ZNF148: variants seen among roughly 807,000 people sequenced by gnomAD.
ZNF148 encodes the protein zinc finger protein 148, also known as Beta-Enolase Repressor Factor-1.
Under a neutral mutation model 67.7 loss-of-function variants are expected in ZNF148, and 7 were observed. That is an observed-to-expected ratio of 0.10 (90% CI 0.06 to 0.19). The LOEUF (loss-of-function observed/expected upper bound fraction) is 0.19, where lower values mean the gene tolerates loss of function less well. ZNF148 is among the 10% of genes least tolerant of loss of function. ZNF148 has a pLI of 1.00. For missense variants in ZNF148, 583 were observed against 947.1 expected (o/e 0.62, Z 5.05); for synonymous variants, 333 against 330.7 (o/e 1.01, Z -0.08).
chr3:125,371,081 G>A (rs1044577677), intron 1 of ZNF148, among the ~76,000 whole-genome samples: 3 of 151,976 alleles, frequency 2.0e-5, no homozygotes, highest in African/African-American at 4.8e-5. Context: ...GGCCGGGCAC[G>A]GTGGCTCACG....
chr3:125,287,901 T>C (rs1240386900), intron 5 of ZNF148, among the ~76,000 whole-genome samples: 1 of 152,142 alleles, frequency 6.6e-6, no homozygotes, highest in Non-Finnish European at 1.5e-5. Context: ...AGTTCACTTT[T>C]AGACAAGTCA....
chr3:125,370,454 C>T (rs1467974994), intron 1 of ZNF148, among the ~76,000 whole-genome samples: 1 of 152,222 alleles, frequency 6.6e-6, no homozygotes. Context: ...AATCAACCTG[C>T]TGTTAGTTTC....
At position 125,288,304 on chromosome 3, in the gene ZNF148, T is replaced by A. The variant is rs184340551; in HGVS notation, c.334-76A>T. The A allele has an allele frequency of 4.3e-5, 64 of 1,473,896 alleles. No individual in the cohort carries two copies. The East Asian group carries it at 1.5e-3, about 34-fold the overall frequency. The allele number at this position is 1,473,896 out of a possible 1,614,324, so 91.3% of individuals were successfully genotyped here. A position where few individuals can be genotyped will look rare whatever the true frequency, so the allele number is the denominator to read the frequency against. ...TGACAAAAGGCCATTTTATGTTTAA[T>A]CCTTTGCTAAACCCACATACAGGTG... On this transcript the variant is annotated intron_variant, in intron 4 of 8. Transcript: ENST00000360647.
At chr3:125,267,962 A>G (rs1413872631) in intron 7 of ZNF148, among the ~76,000 whole-genome samples, 1 of 152,072 alleles carries the variant, frequency 6.6e-6, no homozygotes, top group Non-Finnish European at 1.5e-5. Flanking sequence ...TCCCATTTAC[A>G]CTAGATGCAC....
chr3:125,356,067 A>G (rs996782554), intron 1 of ZNF148, among the ~76,000 whole-genome samples: 2 of 152,220 alleles, frequency 1.3e-5, no homozygotes, highest in Non-Finnish European at 2.9e-5. Flanking sequence ...GTTAAAAACC[A>G]TAAGCATCTG....
chr3:125,261,549 A>G (rs1937340878), intron 7 of ZNF148, among the ~76,000 whole-genome samples: 2 of 152,148 alleles, frequency 1.3e-5, no homozygotes. Flanking sequence ...TATGAGGAAA[A>G]TGAGGGATAG....
rs142265120 is a variant in ZNF148, at chr3:125,250,538, T to C, written c.668-16209A>G. Among the ~76,000 whole-genome samples, 819 of 152,334 alleles carry C rather than the reference T, an allele frequency of 5.4e-3. 6 individuals carry two copies. The highest frequency in any genetic ancestry group is 0.019 in the African/African-American group (773 of 41,572). On this transcript the variant is annotated intron_variant, in intron 7 of 8. Coordinates refer to ENST00000360647, the MANE Select transcript of ZNF148 (RefSeq NM_021964.3). ...CTGTAACTTACCTGTAAGAAACTCA[T>C]GATCAATATTTTCTATAGTTAAAAA...
intron 7 of ZNF148, among the ~76,000 whole-genome samples, chr3:125,261,446 AGTACTAT>A (rs1394488601): frequency 6.6e-6 from 1 of 152,214 alleles, no homozygotes; most frequent in East Asian, 1.9e-4. Context: ...AGCCAACGTA[AGTACTAT>A]GTATGAGAGG....
At chr3:125,266,205 C>T (rs1244426447) in intron 7 of ZNF148, among the ~76,000 whole-genome samples, 1 of 152,092 alleles carries the variant, frequency 6.6e-6, no homozygotes, top group African/African-American at 2.4e-5. Context: ...TGTCTAATTT[C>T]TCACTCGACC....
intron 1 of ZNF148, among the ~76,000 whole-genome samples, chr3:125,335,269 T>C (rs1004013279): frequency 6.6e-6 from 1 of 152,132 alleles, no homozygotes; most frequent in African/African-American, 2.4e-5. Context: ...ATTTTTTTAA[T>C]TATTAGTAAA....
At chr3:125,328,113 A>T (rs1186136997) in intron 2 of ZNF148, among the ~76,000 whole-genome samples, 1 of 151,954 alleles carries the variant, frequency 6.6e-6, no homozygotes, top group Non-Finnish European at 1.5e-5. Flanking sequence ...TTCTTCCTAA[A>T]GACACCTGGC....
chr3:125,315,474 C>T (rs554826969), intron 3 of ZNF148, among the ~76,000 whole-genome samples: 14 of 151,910 alleles, frequency 9.2e-5, no homozygotes, highest in South Asian at 6.2e-4. Context: ...TTTGGGAGGC[C>T]GAGGCGGGCA....
In ZNF148 at chr3:125,233,701, T is replaced by C. The variant is rs1466840795; in HGVS notation, c.1025A>G (p.Lys342Arg). 2 of 1,613,954 alleles carry C rather than the reference T, an allele frequency of 1.2e-6. No individual in the cohort carries two copies. The highest frequency in any genetic ancestry group is 1.7e-6 in the Non-Finnish European group (2 of 1,179,900). ...AGAATAAAGAGGCAAGTAATCATTTTTGTCTTTTTTCAGGTCAGATTTGTC... is the reference window on the plus strand; with the variant it reads ...AGAATAAAGAGGCAAGTAATCATTTCTGTCTTTTTTCAGGTCAGATTTGTC... ...ALDKSDLKKD[K>R]NDYLPLYSSS... The change falls in exon 9 of 9, where the codon AAA becomes AGA. Residue 342 changes from lysine (K) to arginine (R), a missense_variant. This residue lies in a region of ZNF148 where 78 missense variants were observed against 86.5 expected (regional missense o/e 0.90). Transcript: ENST00000360647. The surrounding 1 kb of genome is among the most constrained non-coding windows in gnomAD (Gnocchi z 5.1).
intron 5 of ZNF148, among the ~76,000 whole-genome samples, chr3:125,281,513 T>A (rs189135509): frequency 5.7e-4 from 87 of 152,320 alleles, no homozygotes; most frequent in Admixed American, 1.6e-3. Context: ...ACATGGCACT[T>A]CAATAGCTTT....
chr3:125,334,431 T>C (rs544619424), intron 1 of ZNF148, among the ~76,000 whole-genome samples: 17 of 152,246 alleles, frequency 1.1e-4, no homozygotes, highest in African/African-American at 1.4e-4. Flanking sequence ...AAATTTATCA[T>C]AGAAAAATCA....
intron 4 of ZNF148, among the ~76,000 whole-genome samples, chr3:125,302,182 G>T (rs921237993): frequency 6.6e-6 from 1 of 151,936 alleles, no homozygotes; most frequent in Non-Finnish European, 1.5e-5. Flanking sequence ...TTCAAGAGCA[G>T]TCTGGACAAC....
At chr3:125,354,535 A>C (rs1324589695) in intron 1 of ZNF148, among the ~76,000 whole-genome samples, 2 of 152,228 alleles carry the variant, frequency 1.3e-5, no homozygotes, top group African/African-American at 4.8e-5. Flanking sequence ...ATTTCACCTG[A>C]AGGTTCCAGT....
At chr3:125,348,272 ATTAG>A (rs967883263) in intron 1 of ZNF148, among the ~76,000 whole-genome samples, 19 of 151,962 alleles carry the variant, frequency 1.3e-4, no homozygotes, top group Admixed American at 3.3e-4. Context: ...GAAAAAAAAA[ATTAG>A]TTAAATGAAT....
At chr3:125,251,824 G>A (rs934679330) in intron 7 of ZNF148, among the ~76,000 whole-genome samples, 1 of 152,146 alleles carries the variant, frequency 6.6e-6, no homozygotes, top group African/African-American at 2.4e-5. Context: ...AGCTAGGAGT[G>A]GAAATGGCAG....
Sources: gnomAD v4.1 joint callset for allele counts (sites outside exome capture counted in the v4.1 genomes callset) on GRCh38, gnomAD v4.1.1 for gene constraint, gnomAD v4.1.1 regional missense constraint, Gnocchi (gnomAD v3.1) non-coding constraint, MANE v1.5 for transcripts, NCBI Gene and HGNC (gene_info 2026-07-23, HGNC 2026-07-21) for gene names.